Variants in GREB1L observed in about 807,000 individuals in gnomAD.
GREB1L encodes the protein GREB1-like protein.
GREB1L carries 17 observed loss-of-function variants against 200.8 expected under a neutral mutation model. The observed-to-expected ratio is 0.08, with a 90% CI of 0.06 to 0.13. The LOEUF (loss-of-function observed/expected upper bound fraction) is 0.13, where lower values mean the gene tolerates loss of function less well. GREB1L is among the 10% of genes least tolerant of loss of function. GREB1L has a pLI of 1.00. For synonymous variants in GREB1L, 789 were observed against 893.0 expected (o/e 0.88, Z 2.08); for missense variants, 1,657 against 2,367.7 (o/e 0.70, Z 6.23).
intron 1 of GREB1L, among the ~76,000 whole-genome samples, chr18:21,352,721 A>G (rs1002305627): frequency 3.9e-5 from 6 of 152,022 alleles, no homozygotes; most frequent in African/African-American, 1.4e-4. Flanking sequence ...GGCATGAGCC[A>G]CTGCACCCGG....
intron 7 of GREB1L, among the ~76,000 whole-genome samples, chr18:21,407,778 T>G (rs1295293332): frequency 6.6e-6 from 1 of 152,170 alleles, no homozygotes; most frequent in Non-Finnish European, 1.5e-5. Context: ...GGAATTCTAT[T>G]TAGTTGTAAA....
At chr18:21,298,016 T>C (rs1391865884) in intron 1 of GREB1L, among the ~76,000 whole-genome samples, 1 of 151,912 alleles carries the variant, frequency 6.6e-6, no homozygotes, top group African/African-American at 2.4e-5. Context: ...AATGGGGAGG[T>C]TAAAAGTCCA....
intron 15 of GREB1L, among the ~76,000 whole-genome samples, chr18:21,463,915 A>G (rs1433761363): frequency 6.6e-6 from 1 of 152,216 alleles, no homozygotes; most frequent in Non-Finnish European, 1.5e-5. Context: ...AGAAAGTGCA[A>G]AGATTGATTG....
intron 7 of GREB1L, among the ~76,000 whole-genome samples, chr18:21,424,153 G>C (rs1462600589): frequency 6.6e-6 from 1 of 152,170 alleles, no homozygotes; most frequent in Admixed American, 6.5e-5. Context: ...CAAAGCATCC[G>C]CTTACTACAA....
At chr18:21,343,950 A>G (rs1007878527) in intron 1 of GREB1L, among the ~76,000 whole-genome samples, 10 of 151,964 alleles carry the variant, frequency 6.6e-5, no homozygotes, top group African/African-American at 2.4e-4. Flanking sequence ...TAATTTTTGT[A>G]TTTTTAGTAG....
intron 1 of GREB1L, among the ~76,000 whole-genome samples, chr18:21,269,345 A>G (rs2038041658): frequency 6.6e-6 from 1 of 152,128 alleles, no homozygotes; most frequent in South Asian, 2.1e-4. Context: ...TTTTTACAAT[A>G]TTTAGGAATG....
chr18:21,500,011 A>C lies in GREB1L; in HGVS notation c.3674A>C (p.Gln1225Pro). ...CCCATCAGAGGCTGCCGGGGCCCACAGGCAGCCCTGCCACCAGTGGTGATC... is the reference window on the plus strand; with the variant it reads ...CCCATCAGAGGCTGCCGGGGCCCACCGGCAGCCCTGCCACCAGTGGTGATC... The part of the protein sequence containing the change: ...GQPIRGCRGP[Q>P]AALPPVVILS... The change falls in exon 22 of 33, where the codon CAG becomes CCG. Residue 1225 changes from glutamine to proline, a missense_variant. Transcript: ENST00000424526. 6.4e-7 allele frequency: 1 copy of C among 1,551,388 alleles called. No homozygotes were observed. Among genetic ancestry groups the C allele is most frequent in the African/African-American group, 1.4e-5 (1 of 73,164 alleles).
chr18:21,439,401 C>A, intron 7 of GREB1L, 120 bp from the exon 8 acceptor site: 2 of 622,398 alleles, frequency 3.2e-6, no homozygotes. Flanking sequence ...TGGACTGAGT[C>A]CTATCCGTGA....
At chr18:21,267,118 G>T (rs1296465847) in intron 1 of GREB1L, among the ~76,000 whole-genome samples, 1 of 151,376 alleles carries the variant, frequency 6.6e-6, no homozygotes, top group Non-Finnish European at 1.5e-5. Context: ...ATGTTTAGTA[G>T]AGACAGGGTT....
chr18:21,360,741 G>T (rs941006458), intron 1 of GREB1L, among the ~76,000 whole-genome samples: 1 of 152,268 alleles, frequency 6.6e-6, no homozygotes, highest in East Asian at 1.9e-4. Context: ...AATTGAATAC[G>T]TAGAGAAAAG....
intron 10 of GREB1L, among the ~76,000 whole-genome samples, chr18:21,443,757 C>T (rs1379551431): frequency 3.9e-5 from 6 of 152,154 alleles, no homozygotes; most frequent in Non-Finnish European, 7.4e-5. Flanking sequence ...ATCCTCAAGT[C>T]CCTCATATAA....
chr18:21,489,282 G>A (rs180826079), intron 18 of GREB1L, among the ~76,000 whole-genome samples: 18 of 152,124 alleles, frequency 1.2e-4, no homozygotes, highest in Admixed American at 8.5e-4. Context: ...CTCCCTTGAC[G>A]GAGCCAGGTC....
In GREB1L at chr18:21,490,027, C is replaced by T. The variant is rs1178817956; in HGVS notation, c.2706C>T (p.His902=). Residue 902 remains histidine (H), a synonymous_variant, in exon 19 of 33, where the codon CAC becomes CAT. Coordinates refer to ENST00000424526, the MANE Select transcript of GREB1L (RefSeq NM_001142966.3). ...TCTGTTGAAGGTACCCCAGGCTGCA[C>T]AGCATGGTCGTCCGCTGCTATCTTC... ...NTLLERYPRL[H]SMVVRCYLLI... 1 of 1,551,354 alleles carries T rather than the reference C, an allele frequency of 6.4e-7. No homozygotes were observed. Among genetic ancestry groups the T allele is most frequent in the African/African-American group, 1.4e-5 (1 of 73,052 alleles).
At chr18:21,315,549 G>C (rs1242742414) in intron 1 of GREB1L, among the ~76,000 whole-genome samples, 5 of 152,130 alleles carry the variant, frequency 3.3e-5, no homozygotes, top group African/African-American at 7.2e-5. Context: ...TCATTTAAAT[G>C]TTCAGCATTA....
At chr18:21,509,153 G>T (rs1430897185) in intron 27 of GREB1L, among the ~76,000 whole-genome samples, 3 of 152,218 alleles carry the variant, frequency 2.0e-5, no homozygotes. Context: ...AAGGGGGCCA[G>T]TCTTGTTGTA....
intron 15 of GREB1L, among the ~76,000 whole-genome samples, chr18:21,468,012 G>A (rs757361667): frequency 6.2e-5 from 9 of 145,150 alleles, no homozygotes; most frequent in African/African-American, 1.0e-4. Flanking sequence ...GCAACAGAGC[G>A]AGACTCCATC....
intron 7 of GREB1L, among the ~76,000 whole-genome samples, chr18:21,437,994 A>G (rs2033654517): frequency 6.6e-6 from 1 of 152,194 alleles, no homozygotes. Flanking sequence ...GATGGTGGGT[A>G]TGTAGATGTT....
chr18:21,438,975 A>AAAAAGAAAAG (rs950352791), intron 7 of GREB1L, among the ~76,000 whole-genome samples: 4 of 144,974 alleles, frequency 2.8e-5, no homozygotes, highest in Non-Finnish European at 6.0e-5. Context: ...AAAAAAAAAA[A>AAAAAGAAAAG]AAAAGAAAAG....
In GREB1L at chr18:21,383,765, T is replaced by A; in HGVS notation, c.157+90T>A. The A allele has an allele frequency of 1.3e-5, 16 of 1,275,094 alleles. No homozygotes were observed. The South Asian group carries it at 1.6e-4, about 13-fold the overall frequency. The allele number at this position is 1,275,094 out of a possible 1,614,324, so 79.0% of individuals were successfully genotyped here. A position where few individuals can be genotyped will look rare whatever the true frequency, so the allele number is the denominator to read the frequency against. Reference sequence around the variant, plus strand: ...TCTCCGTCTGTTGCCCAGGCTGGAGTGCAGTGGCGTGATCTCGGCTCACTG... The same window carrying A: ...TCTCCGTCTGTTGCCCAGGCTGGAGAGCAGTGGCGTGATCTCGGCTCACTG... On this transcript the variant is annotated intron_variant, in intron 3 of 32. Transcript: ENST00000424526.
Sources: gnomAD v4.1 joint callset for allele counts (sites outside exome capture counted in the v4.1 genomes callset) on GRCh38, gnomAD v4.1.1 for gene constraint, MANE v1.5 for transcripts, NCBI Gene and HGNC (gene_info 2026-07-23, HGNC 2026-07-21) for gene names.